Variants in SYPL1 observed in about 807,000 individuals in gnomAD.
SYPL1 encodes synaptophysin like 1.
Under a neutral mutation model 23.7 loss-of-function variants are expected in SYPL1, and 6 were observed. The ratio of observed to expected loss-of-function variants is 0.25; its 90% CI spans 0.14 to 0.50. The LOEUF (loss-of-function observed/expected upper bound fraction) is 0.50, where lower values mean the gene tolerates loss of function less well. SYPL1 is among the 20% of genes least tolerant of loss of function. The probability of loss-of-function intolerance (pLI) is 0.98; values close to 1 mark genes in which losing one functional copy is unlikely to be tolerated. For missense variants in SYPL1, 253 were observed against 288.9 expected (o/e 0.88, Z 0.90); for synonymous variants, 102 against 104.5 (o/e 0.98, Z 0.15).
chr7:106,107,047 T>C (rs1164274505), intron 1 of SYPL1, among the ~76,000 whole-genome samples: 1 of 152,194 alleles, frequency 6.6e-6, no homozygotes, highest in Admixed American at 6.5e-5. Context: ...TTTCTTTCTG[T>C]CCAAGGTTTA....
At chr7:106,112,540 C>T (rs369661398), upstream of SYPL1, 53 of 1,508,790 alleles carry the variant, frequency 3.5e-5, no homozygotes, top group Non-Finnish European at 4.5e-5. Context: ...ACTGCGTGCG[C>T]CGCGCCCCCT....
rs1839958362 is a variant in SYPL1, at chr7:106,095,242, A to T, written c.403-2105T>A. On this transcript the variant is annotated intron_variant, in intron 3 of 4. Coordinates refer to ENST00000455385, the MANE Select transcript of SYPL1 (RefSeq NM_182715.4). The surrounding 1 kb of genome is among the most constrained non-coding windows in gnomAD (Gnocchi z 4.3). ...ACTGAAATACTCCTAGAAACACCTT[A>T]GCACAGAATTGAGAATATTGCTAAA... is the stretch of plus-strand genomic sequence containing the variant. 1.3e-5 allele frequency among the ~76,000 whole-genome samples: 2 copies of T among 152,308 alleles called. No homozygotes were observed. The highest frequency in any genetic ancestry group is 2.9e-5 in the Non-Finnish European group (2 of 68,018).
chr7:106,106,160 T>C (rs956399367), intron 1 of SYPL1, among the ~76,000 whole-genome samples: 13 of 152,340 alleles, frequency 8.5e-5, no homozygotes, highest in African/African-American at 3.1e-4. Context: ...TAATATACCT[T>C]AAGATACTAA....
At chr7:106,108,041 A>G (rs1017129193) in intron 1 of SYPL1, among the ~76,000 whole-genome samples, 1 of 152,048 alleles carries the variant, frequency 6.6e-6, no homozygotes, top group African/African-American at 2.4e-5. Flanking sequence ...CTAAAAATAC[A>G]AAACTTAGCT....
rs1427291778 is a variant in SYPL1 at position 106,097,344 on chromosome 7, TAAG to T, written c.402+343_402+345del. ...TGGGCCTTTAGAGAAAGAAAAAAAG[TAAG>T]AAGCAGAAAGAGTTATGAGACTATG... On this transcript the variant is annotated intron_variant, in intron 3 of 4. Coordinates refer to ENST00000455385, the MANE Select transcript of SYPL1 (RefSeq NM_182715.4). The surrounding 1 kb of genome is among the most constrained non-coding windows in gnomAD (Gnocchi z 4.6). Among the ~76,000 whole-genome samples the T allele has an allele frequency of 6.6e-6, 1 of 152,158 alleles. No individual in the cohort carries two copies. The highest frequency in any genetic ancestry group is 1.5e-5 in the Non-Finnish European group (1 of 68,022).
rs545757029 is a variant in SYPL1, at chr7:106,100,077, A to G, written c.70-795T>C. Among the ~76,000 whole-genome samples the G allele has an allele frequency of 2.4e-4, 37 of 152,306 alleles. No individual in the cohort carries two copies. The highest frequency in any genetic ancestry group is 5.1e-4 in the Non-Finnish European group (35 of 68,014). On this transcript the variant is annotated intron_variant, in intron 1 of 4. Coordinates refer to ENST00000455385, the MANE Select transcript of SYPL1 (RefSeq NM_182715.4). This position sits in a 1 kb window ranked among gnomAD's most constrained non-coding sequence, Gnocchi z 5.1. The stretch of plus-strand genomic sequence containing the variant: ...AAAGGGGTGAATTGGAGGTATTTTT[A>G]TTTGGAACACAAGTTACCAGTAATT...
chr7:106,103,705 T>A lies in SYPL1; in HGVS notation c.70-4423A>T, dbSNP rs953050235. ...AAGTAAAATATATTGTTAAAATTAA[T>A]TTCACCTGTTTCCTCTTATTTTAGT... On this transcript the variant is annotated intron_variant, in intron 1 of 4. Coordinates refer to ENST00000455385, the MANE Select transcript of SYPL1 (RefSeq NM_182715.4). Among the ~76,000 whole-genome samples, 5 of 152,246 alleles carry A rather than the reference T, an allele frequency of 3.3e-5. 1 individual carries two copies. Among genetic ancestry groups the A allele is most frequent in the Non-Finnish European group, 7.3e-5 (5 of 68,044 alleles).
rs1227627245 is a variant in SYPL1 at position 106,091,966 on chromosome 7, A to C, written c.592-27T>G. The stretch of plus-strand genomic sequence containing the variant: ...TATGAAAGAGAAAAAGAAATATGAA[A>C]ATCAAATACCTACTTATAAAAATTC... On this transcript the variant is annotated intron_variant, in intron 4 of 4. Transcript: ENST00000455385. The surrounding 1 kb of genome is among the most constrained non-coding windows in gnomAD (Gnocchi z 5.0). 6.3e-7 allele frequency: 1 copy of C among 1,579,600 alleles called. No homozygotes were observed. Among genetic ancestry groups the C allele is most frequent in the Admixed American group, 2.0e-5 (1 of 51,162 alleles).
intron 1 of SYPL1, among the ~76,000 whole-genome samples, chr7:106,102,284 C>T (rs867191933): frequency 1.3e-5 from 2 of 152,080 alleles, no homozygotes; most frequent in African/African-American, 2.4e-5. Flanking sequence ...TCGGTAGAGA[C>T]GGGGTTTCAC....
chr7:106,106,912 A>C, intron 1 of SYPL1, among the ~76,000 whole-genome samples: 1 of 152,246 alleles, frequency 6.6e-6, no homozygotes, highest in Non-Finnish European at 1.5e-5. Context: ...GACCATGCTA[A>C]TTCTGAGGAT....
intron 2 of SYPL1, among the ~76,000 whole-genome samples, chr7:106,098,945 C>T (rs1472178150): frequency 6.6e-6 from 1 of 152,194 alleles, no homozygotes; most frequent in Non-Finnish European, 1.5e-5. Context: ...TAAATGCTTA[C>T]TCTCACTTTC....
rs1351190409 is a variant in SYPL1, at chr7:106,109,253, T to G, written c.69+2887A>C. On this transcript the variant is annotated intron_variant, in intron 1 of 4. Transcript: ENST00000455385. The surrounding 1 kb of genome is among the most constrained non-coding windows in gnomAD (Gnocchi z 4.3). ...GTAAGCTGAACTAGTGGCTTTTTTT[T>G]GTAACCACCAAATTTCTCCCATCTT... Among the ~76,000 whole-genome samples the G allele has an allele frequency of 1.3e-5, 2 of 152,222 alleles. No individual in the cohort carries two copies. Among genetic ancestry groups the G allele is most frequent in the Non-Finnish European group, 2.9e-5 (2 of 68,020 alleles).
Position 106,091,784 on chromosome 7 carries a change from A to G in SYPL1, c.*21T>C, listed in dbSNP as rs771614891. On this transcript the variant is annotated 3_prime_UTR_variant, in exon 5 of 5. Coordinates refer to ENST00000455385, the MANE Select transcript of SYPL1 (RefSeq NM_182715.4). This position sits in a 1 kb window ranked among gnomAD's most constrained non-coding sequence, Gnocchi z 5.0. ...GTCATAGTATCAACATATACTTCAT[A>G]CAGTGTATTTCTCCCTTTAATTATA... The G allele has an allele frequency of 3.7e-6, 6 of 1,600,796 alleles. No homozygotes were observed.
intron 1 of SYPL1, among the ~76,000 whole-genome samples, chr7:106,105,509 A>ACTTCTCTG (rs1260623910): frequency 6.8e-6 from 1 of 147,168 alleles, no homozygotes; most frequent in Admixed American, 6.9e-5. Context: ...TGCCCACCAG[A>ACTTCTCTG]CCCATACTAG....
rs1840275381 is a variant in SYPL1 at position 106,100,899 on chromosome 7, A to G, written c.70-1617T>C. ...GGCCTGCAAGATCCTTTCTTCCCTT[A>G]TATTTCTGACCTCATGTTGCTACTT... On this transcript the variant is annotated intron_variant, in intron 1 of 4. Coordinates refer to ENST00000455385, the MANE Select transcript of SYPL1 (RefSeq NM_182715.4). The surrounding 1 kb of genome is among the most constrained non-coding windows in gnomAD (Gnocchi z 5.1). Among the ~76,000 whole-genome samples, 1 of 152,182 alleles carries G rather than the reference A, an allele frequency of 6.6e-6. No individual in the cohort carries two copies. The highest frequency in any genetic ancestry group is 6.5e-5 in the Admixed American group (1 of 15,276).
At chr7:106,102,533 C>T (rs1342944348) in intron 1 of SYPL1, among the ~76,000 whole-genome samples, 4 of 152,244 alleles carry the variant, frequency 2.6e-5, no homozygotes, top group Middle Eastern at 3.4e-3. Flanking sequence ...CTGCCAGTAA[C>T]CACATGACTG....
chr7:106,101,327 T>TTA (rs1474218530), intron 1 of SYPL1, among the ~76,000 whole-genome samples: 1 of 151,690 alleles, frequency 6.6e-6, no homozygotes, highest in African/African-American at 2.4e-5. Context: ...TATCAAATAT[T>TTA]CACTGTGGAA....
chr7:106,108,327 T>A (rs1840721507), intron 1 of SYPL1, among the ~76,000 whole-genome samples: 1 of 152,240 alleles, frequency 6.6e-6, no homozygotes, highest in Admixed American at 6.5e-5. Flanking sequence ...AGCCTGTCAC[T>A]CTGTGGAAAA....
upstream of SYPL1, chr7:106,112,501 T>G (rs778412371): frequency 6.6e-7 from 1 of 1,524,746 alleles, no homozygotes; most frequent in African/African-American, 1.4e-5. Flanking sequence ...ACTGATCCGC[T>G]GGCGAACCAA....
Sources: allele counts gnomAD v4.1 joint callset (sites outside exome capture counted in the v4.1 genomes callset), GRCh38; gene constraint gnomAD v4.1.1; non-coding constraint Gnocchi (gnomAD v3.1); transcripts MANE v1.5; gene names NCBI Gene and HGNC (gene_info 2026-07-23, HGNC 2026-07-21).